The following BMPER variants were observed in gnomAD, a reference collection of about 807,000 sequenced individuals.
BMPER encodes the protein BMP-binding endothelial regulator protein.
Under a neutral mutation model 87.3 loss-of-function variants are expected in BMPER, and 45 were observed. The ratio of observed to expected loss-of-function variants is 0.52; its 90% CI spans 0.41 to 0.66. The LOEUF is 0.66. Ranked by LOEUF, BMPER falls within the 30% of genes least tolerant of loss-of-function variation. The pLI, the probability that BMPER is intolerant of heterozygous loss-of-function variation, is 0.00. For missense variants in BMPER, 784 were observed against 867.5 expected, an observed-to-expected ratio of 0.90 and a Z score of 1.21; for synonymous variants, 326 against 316.2, an observed-to-expected ratio of 1.03 and a Z score of -0.33.
At chr7:34,048,802 C>G (rs1158587960) in intron 7 of BMPER, among the ~76,000 whole-genome samples, 2 of 152,096 alleles carry the variant, frequency 1.3e-5, no homozygotes, top group African/African-American at 4.8e-5. Context: ...GGCTAGACCC[C>G]CATGGAATGA....
At chr7:33,905,450 C>T (rs1783783661), upstream of BMPER, 1 of 371,200 alleles carries the variant, frequency 2.7e-6, no homozygotes. Context: ...CCCCCGCCCT[C>T]CCTCACACCC....
chr7:33,963,809 C>T (rs768722336), intron 3 of BMPER, among the ~76,000 whole-genome samples: 27 of 151,922 alleles, frequency 1.8e-4, no homozygotes, highest in Non-Finnish European at 1.2e-4. Context: ...AAAAAACAAA[C>T]AAACAAAAAT....
At chr7:34,103,519 T>C (rs1585837838) in intron 13 of BMPER, among the ~76,000 whole-genome samples, 1 of 152,164 alleles carries the variant, frequency 6.6e-6, no homozygotes, top group Non-Finnish European at 1.5e-5. Context: ...GAGAAGATTG[T>C]TTTCCTCTGA....
At chr7:33,993,265 T>C (rs1487119967) in intron 6 of BMPER, among the ~76,000 whole-genome samples, 4 of 148,764 alleles carry the variant, frequency 2.7e-5, no homozygotes, top group African/African-American at 7.5e-5. Context: ...CAATCAGACA[T>C]AGATTTGGTC....
intron 4 of BMPER, among the ~76,000 whole-genome samples, chr7:33,967,198 A>C (rs1283954025): frequency 6.6e-6 from 1 of 152,246 alleles, no homozygotes; most frequent in Admixed American, 6.5e-5. Context: ...CCTCCTTTAA[A>C]AAAACAAGCA....
chr7:34,070,816 C>CTTTTT (rs60588204), intron 11 of BMPER, among the ~76,000 whole-genome samples: 22 of 119,480 alleles, frequency 1.8e-4, no homozygotes, highest in South Asian at 1.2e-3. Flanking sequence ...AGCGGCAGAG[C>CTTTTT]TTTTTTTTTT....
At chr7:33,911,249 G>A (rs1392866256) in intron 2 of BMPER, among the ~76,000 whole-genome samples, 2 of 152,136 alleles carry the variant, frequency 1.3e-5, no homozygotes, top group Non-Finnish European at 2.9e-5. Context: ...GGATTGTGTC[G>A]GCAAATTCAC....
intron 6 of BMPER, among the ~76,000 whole-genome samples, chr7:33,976,372 C>T (rs1785688233): frequency 2.6e-5 from 4 of 152,056 alleles, no homozygotes; most frequent in South Asian, 2.1e-4. Flanking sequence ...AGGCTGGTCT[C>T]GAACTCCTGA....
intron 11 of BMPER, among the ~76,000 whole-genome samples, chr7:34,072,923 A>G (rs2127971151): frequency 6.6e-6 from 1 of 152,354 alleles, no homozygotes; most frequent in South Asian, 2.1e-4. Flanking sequence ...TCTTGGCACC[A>G]GACATAGTTC....
intron 13 of BMPER, among the ~76,000 whole-genome samples, chr7:34,142,812 G>A (rs755651914): frequency 6.6e-6 from 1 of 152,174 alleles, no homozygotes; most frequent in Non-Finnish European, 1.5e-5. Context: ...ACAAGATGGC[G>A]ATGGTATTCC....
intron 5 of BMPER, among the ~76,000 whole-genome samples, chr7:33,974,028 G>A (rs887415592): frequency 3.3e-5 from 5 of 152,126 alleles, no homozygotes; most frequent in Non-Finnish European, 5.9e-5. Context: ...CTGAAAACCC[G>A]TATGATACCT....
At chr7:34,011,433 A>C (rs962652638) in intron 6 of BMPER, among the ~76,000 whole-genome samples, 7 of 151,726 alleles carry the variant, frequency 4.6e-5, no homozygotes, top group Non-Finnish European at 1.0e-4. Context: ...AATAAAAAGC[A>C]TATTTTGTAT....
At chr7:33,972,543 C>T (rs1785575415) in intron 5 of BMPER, among the ~76,000 whole-genome samples, 1 of 152,122 alleles carries the variant, frequency 6.6e-6, no homozygotes, top group Non-Finnish European at 1.5e-5. Flanking sequence ...TGTTTATACA[C>T]AAGAAGAAAC....
intron 3 of BMPER, among the ~76,000 whole-genome samples, chr7:33,955,251 T>A (rs1053904712): frequency 6.6e-6 from 1 of 152,188 alleles, no homozygotes; most frequent in African/African-American, 2.4e-5. Context: ...TTCTCTTTAA[T>A]CACTTATCTA....
At chr7:33,907,037 G>C in intron 2 of BMPER, 134 bp downstream of exon 2, 1 of 867,264 alleles carries the variant, frequency 1.2e-6, no homozygotes, top group Non-Finnish European at 1.9e-6. Flanking sequence ...TACATAGTTT[G>C]TGAGTTGAAT....
At position 34,051,891 on chromosome 7, in the gene BMPER, G is replaced by T; in HGVS notation, c.707G>T (p.Gly236Val). The change falls in exon 8 of 15, where the codon GGG becomes GTG. Residue 236 changes from glycine to valine, a missense_variant. Gly to Val is a moderately radical substitution (Grantham distance 109, BLOSUM62 -3). Coordinates refer to ENST00000649409, the MANE Select transcript of BMPER (RefSeq NM_001365308.1). ...GQRKVFDLPF[G>V]SCLFRSDVYD... ...AGGAAAGTGTTTGACCTCCCTTTTG[G>T]GAGCTGCCTCTTTCGAAGTGATGTT... 6.2e-7 allele frequency: 1 copy of T among 1,613,888 alleles called. No individual in the cohort carries two copies. Among genetic ancestry groups the T allele is most frequent in the Non-Finnish European group, 8.5e-7 (1 of 1,179,814 alleles).
intron 2 of BMPER, among the ~76,000 whole-genome samples, chr7:33,927,014 C>A (rs921744736): frequency 3.3e-5 from 5 of 152,196 alleles, no homozygotes; most frequent in African/African-American, 1.2e-4. Context: ...CCCGGGGGGA[C>A]CTTTGAAAGG....
intron 3 of BMPER, among the ~76,000 whole-genome samples, chr7:33,961,805 CTTGTGAGTTCA>C (rs768786317): frequency 2.0e-5 from 3 of 152,050 alleles, no homozygotes; most frequent in Admixed American, 1.3e-4. Context: ...CATTCAGAAG[CTTGTGAGTTCA>C]TTGTGAAGGT....
chr7:34,030,641 G>A (rs575237768), intron 6 of BMPER, among the ~76,000 whole-genome samples: 1 of 148,224 alleles, frequency 6.7e-6, no homozygotes, highest in Admixed American at 6.8e-5. Flanking sequence ...TTTTTTTTTC[G>A]AGATGGGGTC....
Sources: gnomAD v4.1 joint callset for allele counts (sites outside exome capture counted in the v4.1 genomes callset) on GRCh38, gnomAD v4.1.1 for gene constraint, MANE v1.5 for transcripts, NCBI Gene and HGNC (gene_info 2026-07-23, HGNC 2026-07-21) for gene names.